The following NID1 variants were observed in gnomAD, a reference collection of about 807,000 sequenced individuals.
NID1 encodes the protein nidogen 1.
Under a neutral mutation model 130.6 loss-of-function variants are expected in NID1, and 76 were observed. The ratio of observed to expected loss-of-function variants is 0.58; its 90% confidence interval spans 0.48 to 0.70. NID1 has a LOEUF of 0.70. Ranked by LOEUF, NID1 falls within the 30% of genes least tolerant of loss-of-function variation. NID1 has a pLI of 0.00. For missense variants in NID1, 1,517 were observed against 1,664.8 expected, an observed-to-expected ratio of 0.91 and a Z score of 1.54; for synonymous variants, 665 against 675.1, an observed-to-expected ratio of 0.98 and a Z score of 0.23.
chr1:236,032,480 T>C lies in NID1; in HGVS notation c.1458A>G (p.Pro486=). Residue 486 remains proline (P), a synonymous_variant, in exon 6 of 20, where the codon CCA becomes CCG. Coordinates refer to ENST00000264187, the MANE Select transcript of NID1 (RefSeq NM_002508.3). Reference sequence around the variant, plus strand: ...CAATGATGCCTCCAACTGGGGCCAGTGGAAGCAGAGAATATCCAACGGTCT... The same window carrying C: ...CAATGATGCCTCCAACTGGGGCCAGCGGAAGCAGAGAATATCCAACGGTCT... The part of the protein sequence containing the change: ...IPETVGYSLL[P]LAPVGGIIGW... The C allele has an allele frequency of 1.2e-6, 2 of 1,614,142 alleles. No individual in the cohort carries two copies. Among genetic ancestry groups the C allele is most frequent in the Non-Finnish European group, 1.7e-6 (2 of 1,180,022 alleles).
At chr1:236,032,825 A>C (rs922804360) in intron 5 of NID1, among the ~76,000 whole-genome samples, 173 bp from the exon 6 acceptor site, 1 of 152,106 alleles carries the variant, frequency 6.6e-6, no homozygotes. Context: ...ACTACCCACA[A>C]CTGTATGCTG....
chr1:236,002,332 G>A (rs1445331365), intron 12 of NID1, among the ~76,000 whole-genome samples: 2 of 152,130 alleles, frequency 1.3e-5, no homozygotes, highest in Admixed American at 6.6e-5. Flanking sequence ...GTGAAACCCC[G>A]TATCTACTAA....
rs141248654 is a variant in NID1, at chr1:235,980,444, C to T, written c.3385+52G>A. 9.5e-5 allele frequency: 151 copies of T among 1,594,356 alleles called. 1 individual carries two copies. The African/African-American group carries it at 9.5e-4, about 10-fold the overall frequency. On this transcript the variant is annotated intron_variant, in intron 17 of 19. Transcript: ENST00000264187. Reference sequence around the variant, plus strand: ...ACCCCAGGGCCCTAGTTTGCCCACCCCTGACTTAGGAGATTGAGACCCGCC... The same window carrying T: ...ACCCCAGGGCCCTAGTTTGCCCACCTCTGACTTAGGAGATTGAGACCCGCC...
chr1:236,038,950 A>AT lies in NID1; in HGVS notation c.1136-698dup, dbSNP rs1279017682. Among the ~76,000 whole-genome samples the AT allele has an allele frequency of 2.5e-3, 357 of 141,138 alleles. 2 individuals are homozygous for AT. The highest frequency in any genetic ancestry group is 8.1e-3 in the Middle Eastern group (2 of 248). The allele number at this position is 141,138 out of a possible 152,430, so 92.6% of individuals were successfully genotyped here. On this transcript the variant is annotated intron_variant, in intron 4 of 19. Transcript: ENST00000264187. ...TGTAATATATATTAAATATAAATAT[A>AT]TAACATATATGTGTAACTATATATG... is the stretch of plus-strand genomic sequence containing the variant.
At chr1:236,051,819 G>A (rs1659769697) in intron 1 of NID1, among the ~76,000 whole-genome samples, 1 of 152,218 alleles carries the variant, frequency 6.6e-6, no homozygotes, top group South Asian at 2.1e-4. Flanking sequence ...CTGCTTTCCA[G>A]TGAAATTTAA....
intron 2 of NID1, among the ~76,000 whole-genome samples, chr1:236,047,488 C>G (rs1352128259): frequency 6.6e-6 from 1 of 152,014 alleles, no homozygotes; most frequent in Non-Finnish European, 1.5e-5. Context: ...ACTCAAAGAC[C>G]CTGCTTCCTT....
In NID1 at chr1:235,977,878, C is replaced by T. The variant is rs576066141; in HGVS notation, c.3733G>A (p.Glu1245Lys). ...PDNTLGVDCI[E>K]QK ...AGGCACTCTTGTCTTCATTTCTGTT[C>T]GATACAGTCAACTCCCAAGGTGTTG... Residue 1245 changes from glutamate to lysine, a missense_variant, in exon 20 of 20, where the codon GAA becomes AAA. Around this residue, in one of 3 missense-constraint regions of NID1, gnomAD observed 181 missense variants for 211.3 expected, o/e 0.86. Transcript: ENST00000264187. 79 of 1,614,022 alleles carry T rather than the reference C, an allele frequency of 4.9e-5. No individual in the cohort carries two copies. Among genetic ancestry groups the T allele is most frequent in the Non-Finnish European group, 5.8e-5 (69 of 1,179,980 alleles).
intron 9 of NID1, among the ~76,000 whole-genome samples, chr1:236,023,606 T>C (rs1405088640): frequency 6.6e-6 from 1 of 151,318 alleles, no homozygotes; most frequent in East Asian, 1.9e-4. Flanking sequence ...TAAAATGGTA[T>C]ATTTTATATT....
At chr1:236,025,477 G>T (rs529597904) in intron 8 of NID1, among the ~76,000 whole-genome samples, 25 of 151,314 alleles carry the variant, frequency 1.7e-4, no homozygotes, top group African/African-American at 5.6e-4. Flanking sequence ...GGCCAGGCTG[G>T]TCTCAAACTC....
At chr1:236,026,598 T>C (rs1243095340) in intron 7 of NID1, among the ~76,000 whole-genome samples, 7 of 152,202 alleles carry the variant, frequency 4.6e-5, no homozygotes, top group African/African-American at 1.4e-4. Context: ...AGGTAATGTA[T>C]GTGCAATTTC....
At chr1:236,057,735 A>AAG (rs983156863) in intron 1 of NID1, among the ~76,000 whole-genome samples, 1 of 152,006 alleles carries the variant, frequency 6.6e-6, no homozygotes, top group South Asian at 2.1e-4. Flanking sequence ...AAGAAAGAAA[A>AAG]AGAGAGAGAG....
At chr1:235,986,858 T>C (rs979719158) in intron 14 of NID1, among the ~76,000 whole-genome samples, 1 of 152,230 alleles carries the variant, frequency 6.6e-6, no homozygotes, top group African/African-American at 2.4e-5. Context: ...ATCCCATGCC[T>C]ATCAACTTCT....
chr1:236,016,739 A>G (rs1361999943), intron 10 of NID1, among the ~76,000 whole-genome samples: 1 of 152,250 alleles, frequency 6.6e-6, no homozygotes, highest in Non-Finnish European at 1.5e-5. Flanking sequence ...TAACTAAAGT[A>G]GAATTCAATC....
chr1:236,020,764 G>T (rs1439366654), intron 9 of NID1, among the ~76,000 whole-genome samples: 3 of 152,190 alleles, frequency 2.0e-5, no homozygotes, highest in Non-Finnish European at 2.9e-5. Context: ...AACACTTCAA[G>T]GCATGTTCTA....
intron 6 of NID1, among the ~76,000 whole-genome samples, 194 bp from the exon 7 acceptor site, chr1:236,029,944 G>A (rs188818460): frequency 5.7e-4 from 87 of 152,268 alleles, no homozygotes; most frequent in South Asian, 1.0e-3. Context: ...ACACGCAGAG[G>A]AGAGAAGAGG....
At chr1:236,040,982 A>C (rs145517766) in intron 4 of NID1, among the ~76,000 whole-genome samples, 1 of 152,000 alleles carries the variant, frequency 6.6e-6, no homozygotes, top group Non-Finnish European at 1.5e-5. Context: ...CTTTTATAAG[A>C]AAAATGAAAG....
intron 6 of NID1, among the ~76,000 whole-genome samples, chr1:236,030,023 G>T (rs1659050478): frequency 6.6e-6 from 1 of 152,180 alleles, no homozygotes; most frequent in African/African-American, 2.4e-5. Context: ...GGAGGACAGG[G>T]GTTGGACTCC....
chr1:235,988,140 G>A (rs1657624016), intron 14 of NID1, among the ~76,000 whole-genome samples: 1 of 152,178 alleles, frequency 6.6e-6, no homozygotes, highest in Non-Finnish European at 1.5e-5. Flanking sequence ...TGCGAATCAT[G>A]TATCTTTTAA....
chr1:236,048,808 T>G lies in NID1; in HGVS notation c.407A>C (p.Glu136Ala). The G allele has an allele frequency of 1.2e-6, 2 of 1,614,116 alleles. No individual in the cohort carries two copies. The highest frequency in any genetic ancestry group is 2.2e-5 in the South Asian group (2 of 91,072). Residue 136 changes from glutamate (E) to alanine (A), a missense_variant, in exon 2 of 20, where the codon GAG (glutamate) becomes GCG (alanine). Around this residue, in one of 3 missense-constraint regions of NID1, gnomAD observed 1,329 missense variants for 1,429.2 expected, o/e 0.93. Coordinates refer to ENST00000264187, the MANE Select transcript of NID1 (RefSeq NM_002508.3). ...CTCCGGGAACCCTCTGTGGACACAC[T>G]CTGCTGCTCGCTGAGTGATGGAGGG... ...LSPSITQRAA[E>A]CVHRGFPEIS... is the part of the protein sequence containing the mutation.
Sources: allele counts gnomAD v4.1 joint callset (sites outside exome capture counted in the v4.1 genomes callset), GRCh38; gene constraint gnomAD v4.1.1; regional missense constraint gnomAD v4.1.1; transcripts MANE v1.5; gene names NCBI Gene and HGNC (gene_info 2026-07-23, HGNC 2026-07-21).